PDE7A: variants seen among roughly 807,000 people sequenced by gnomAD.
PDE7A encodes phosphodiesterase 7A, also known as high affinity 3',5'-cyclic-AMP phosphodiesterase 7A.
PDE7A carries 39 observed loss-of-function variants against 64.3 expected under a neutral mutation model. That is an observed-to-expected ratio of 0.61 (90% CI 0.47 to 0.79). The LOEUF is 0.79. Ranked by LOEUF, PDE7A falls within the 30% of genes least tolerant of loss-of-function variation. The probability of loss-of-function intolerance (pLI) is 0.00; values close to 1 mark genes in which losing one functional copy is unlikely to be tolerated. For synonymous variants in PDE7A, 203 were observed against 206.8 expected (o/e 0.98, Z 0.16); for missense variants, 470 against 582.8 (o/e 0.81, Z 1.99).
intron 1 of PDE7A, among the ~76,000 whole-genome samples, chr8:65,795,507 A>G (rs576434863): frequency 4.6e-5 from 7 of 152,220 alleles, no homozygotes; most frequent in Non-Finnish European, 1.0e-4. Flanking sequence ...ATGAGGCCAG[A>G]AAAATAATAA....
chr8:65,750,492 GTGTGTGTGTGTC>G lies in PDE7A; in HGVS notation c.284-2701_284-2690del, dbSNP rs754692082. Among the ~76,000 whole-genome samples the G allele has an allele frequency of 4.1e-3, 554 of 135,336 alleles. 3 individuals carry two copies. Among genetic ancestry groups the G allele is most frequent in the Middle Eastern group, 0.017 (5 of 290 alleles). 88.8% of individuals were successfully genotyped at this position (135,336 alleles called of 152,430 possible). A position where few individuals can be genotyped will look rare whatever the true frequency, so the allele number is the denominator to read the frequency against. On this transcript the variant is annotated intron_variant, in intron 3 of 12. Coordinates refer to ENST00000401827, the MANE Select transcript of PDE7A (RefSeq NM_001242318.3). ...AGAATCACTGTGTGTGTGTGTGTGT[GTGTGTGTGTGTC>G]TGTGTGTGTCTGTGTGTGTGTGAGA...
chr8:65,754,660 T>C (rs985628032), intron 3 of PDE7A, among the ~76,000 whole-genome samples: 1 of 150,926 alleles, frequency 6.6e-6, no homozygotes, highest in Non-Finnish European at 1.5e-5. Flanking sequence ...TATGCCTTGT[T>C]TTTTGTTCTT....
At chr8:65,775,272 T>C (rs999990751) in intron 3 of PDE7A, among the ~76,000 whole-genome samples, 4 of 152,248 alleles carry the variant, frequency 2.6e-5, no homozygotes, top group African/African-American at 7.2e-5. Flanking sequence ...TACTAGTTCA[T>C]TGATTGCTGT....
intron 9 of PDE7A, 108 bp from the exon 10 acceptor site, chr8:65,725,029 T>A: frequency 1.9e-6 from 1 of 537,192 alleles, no homozygotes; most frequent in East Asian, 3.3e-5. Context: ...CCCTAAAATA[T>A]CCAACTATCA....
chr8:65,747,226 A>T (rs1306976159), intron 4 of PDE7A, among the ~76,000 whole-genome samples: 7 of 152,152 alleles, frequency 4.6e-5, no homozygotes, highest in Non-Finnish European at 1.0e-4. Flanking sequence ...GAGAGACCTA[A>T]CTTTCTGTGC....
intron 12 of PDE7A, chr8:65,719,729 A>G (rs972238045): frequency 2.2e-4 from 118 of 534,840 alleles, no homozygotes; most frequent in East Asian, 6.1e-4. Flanking sequence ...ACTGACAAAT[A>G]TATCTAACCT....
At chr8:65,751,555 C>A (rs975235981) in intron 3 of PDE7A, among the ~76,000 whole-genome samples, 2 of 151,776 alleles carry the variant, frequency 1.3e-5, no homozygotes, top group African/African-American at 4.8e-5. Context: ...TGCAATGGTG[C>A]GATATCGGCT....
chr8:65,816,390 G>A (rs187792794), intron 1 of PDE7A, among the ~76,000 whole-genome samples: 83 of 152,262 alleles, frequency 5.5e-4, no homozygotes, highest in Middle Eastern at 6.8e-3. Flanking sequence ...GAAGAGATGA[G>A]AAAAAATATA....
At chr8:65,834,411 G>A (rs1459427577) in intron 1 of PDE7A, among the ~76,000 whole-genome samples, 1 of 152,140 alleles carries the variant, frequency 6.6e-6, no homozygotes, top group Admixed American at 6.5e-5. Flanking sequence ...TAGGCTATTA[G>A]TAGTTAAGTT....
At chr8:65,739,113 G>A (rs1250210775) in intron 6 of PDE7A, among the ~76,000 whole-genome samples, 2 of 152,196 alleles carry the variant, frequency 1.3e-5, no homozygotes, top group South Asian at 2.1e-4. Context: ...GAACCAGCTC[G>A]GCTAATTGTA....
chr8:65,812,484 A>G (rs1158385424), intron 1 of PDE7A, among the ~76,000 whole-genome samples: 2 of 152,196 alleles, frequency 1.3e-5, no homozygotes, highest in Non-Finnish European at 2.9e-5. Flanking sequence ...GTATAAGAAC[A>G]CAACAATGGA....
chr8:65,723,519 A>T, intron 12 of PDE7A, 22 bp downstream of exon 12: 1 of 1,477,338 alleles, frequency 6.8e-7, no homozygotes, highest in Non-Finnish European at 9.0e-7. Context: ...CTAACCAGCT[A>T]TATCTAAATA....
chr8:65,828,466 C>T (rs1451071342), intron 1 of PDE7A, among the ~76,000 whole-genome samples: 1 of 151,990 alleles, frequency 6.6e-6, no homozygotes, highest in Non-Finnish European at 1.5e-5. Context: ...AATTAAAATA[C>T]CCATAATTTA....
At chr8:65,722,454 T>C (rs1322890474) in intron 12 of PDE7A, 1 of 152,266 alleles carries the variant, frequency 6.6e-6, no homozygotes, top group Non-Finnish European at 1.5e-5. Context: ...TGTGCTACCT[T>C]CTTAGTTTCT....
At chr8:65,778,561 A>C (rs1585910757) in intron 3 of PDE7A, among the ~76,000 whole-genome samples, 1 of 152,224 alleles carries the variant, frequency 6.6e-6, no homozygotes, top group African/African-American at 2.4e-5. Context: ...TGATTCTCGG[A>C]ATCATGAGCA....
chr8:65,806,683 G>A (rs940464794), intron 1 of PDE7A, among the ~76,000 whole-genome samples: 1 of 152,236 alleles, frequency 6.6e-6, no homozygotes, highest in African/African-American at 2.4e-5. Context: ...ACGTGTTACT[G>A]ATTCACAAAG....
At chr8:65,757,004 CG>C (rs1362407282) in intron 3 of PDE7A, among the ~76,000 whole-genome samples, 2 of 152,116 alleles carry the variant, frequency 1.3e-5, no homozygotes, top group Non-Finnish European at 2.9e-5. Flanking sequence ...CCATGCCCTC[CG>C]TAGGTGCACC....
intron 10 of PDE7A, 92 bp from the exon 11 acceptor site, chr8:65,724,443 A>C (rs904186504): frequency 1.4e-6 from 1 of 714,364 alleles, no homozygotes; most frequent in Non-Finnish European, 2.3e-6. Flanking sequence ...TTAACCATAA[A>C]TATAAATAAA....
intron 1 of PDE7A, among the ~76,000 whole-genome samples, chr8:65,784,668 C>T (rs1045849765): frequency 4.0e-5 from 6 of 151,616 alleles, no homozygotes; most frequent in African/African-American, 1.5e-4. Context: ...AACTTCAAAC[C>T]CAGAAAAGTG....
Sources: gnomAD v4.1 joint callset for allele counts (sites outside exome capture counted in the v4.1 genomes callset) on GRCh38, gnomAD v4.1.1 for gene constraint, MANE v1.5 for transcripts, NCBI Gene and HGNC (gene_info 2026-07-23, HGNC 2026-07-21) for gene names.